KHDRBS3: variants seen among roughly 807,000 people sequenced by gnomAD.
KHDRBS3 encodes KH domain-containing, RNA-binding, signal transduction-associated protein 3.
KHDRBS3 carries 23 observed loss-of-function variants against 45.6 expected under a neutral mutation model. The observed-to-expected ratio is 0.50, with a 90% CI of 0.36 to 0.72. The LOEUF (loss-of-function observed/expected upper bound fraction) is 0.72. Ranked by LOEUF, KHDRBS3 falls within the 30% of genes least tolerant of loss-of-function variation. KHDRBS3 has a pLI of 0.00. For synonymous variants in KHDRBS3, 162 were observed against 156.5 expected (o/e 1.04, Z -0.26); for missense variants, 352 against 424.8 (o/e 0.83, Z 1.51).
At chr8:135,522,520 C>T (rs1824967333) in intron 2 of KHDRBS3, among the ~76,000 whole-genome samples, 1 of 152,156 alleles carries the variant, frequency 6.6e-6, no homozygotes, top group Admixed American at 6.5e-5. Context: ...GTACCATTTC[C>T]ACAAACAATG....
chr8:135,627,952 CTAT>C (rs1210725910), intron 7 of KHDRBS3, among the ~76,000 whole-genome samples: 1 of 152,144 alleles, frequency 6.6e-6, no homozygotes, highest in Non-Finnish European at 1.5e-5. Flanking sequence ...AACTAGACTT[CTAT>C]TCTGATTCCA....
chr8:135,459,751 A>G (rs1159905157), intron 1 of KHDRBS3, among the ~76,000 whole-genome samples: 1 of 152,194 alleles, frequency 6.6e-6, no homozygotes, highest in Non-Finnish European at 1.5e-5. Context: ...TTGCCATAGT[A>G]TTGTGTTGCT....
intron 2 of KHDRBS3, among the ~76,000 whole-genome samples, chr8:135,536,966 C>CAAAAAAAAAAAAAAAA (rs869256475): frequency 1.7e-4 from 2 of 11,776 alleles, no homozygotes; most frequent in African/African-American, 8.4e-4. Context: ...AACTCCATCT[C>CAAAAAAAAAAAAAAAA]AAAAAAAAAA....
intron 2 of KHDRBS3, among the ~76,000 whole-genome samples, chr8:135,536,390 A>C (rs961701584): frequency 6.6e-6 from 1 of 152,036 alleles, no homozygotes; most frequent in Non-Finnish European, 1.5e-5. Flanking sequence ...TTAAAAGCAG[A>C]AATGTGGTGA....
intron 2 of KHDRBS3, among the ~76,000 whole-genome samples, chr8:135,526,133 T>C (rs1263210745): frequency 2.6e-5 from 4 of 152,076 alleles, no homozygotes; most frequent in Admixed American, 2.6e-4. Context: ...GGATATGCCA[T>C]CTAGGTTTGT....
intron 7 of KHDRBS3, among the ~76,000 whole-genome samples, chr8:135,640,046 C>G (rs1464354264): frequency 6.6e-6 from 1 of 151,980 alleles, no homozygotes; most frequent in Non-Finnish European, 1.5e-5. Flanking sequence ...TTTCATTGAG[C>G]AAGAAACTTT....
intron 2 of KHDRBS3, among the ~76,000 whole-genome samples, chr8:135,536,987 AAAAAAAAAAAGG>A (rs1327096221): frequency 0.11 from 6,070 of 55,340 alleles, 810 homozygotes; most frequent in African/African-American, 0.2. Flanking sequence ...AAAAAAAAAA[AAAAAAAAAAAGG>A]AGATGTTTAG....
In KHDRBS3 at chr8:135,532,669, GA is replaced by G. The variant is rs1183279746; in HGVS notation, c.208-9977del. On this transcript the variant is annotated intron_variant, in intron 2 of 8. Transcript: ENST00000355849. ...AGACATTATTATTTCCTGTTGACGT[GA>G]AAAAAAATGGAAGAACAGAGAAGTT... Among the ~76,000 whole-genome samples, 10 of 151,784 alleles carry G rather than the reference GA, an allele frequency of 6.6e-5. No homozygotes were observed. In the South Asian group the frequency reaches 8.3e-4, roughly 13 times the overall value.
chr8:135,543,728 A>C (rs1361830637), intron 3 of KHDRBS3, among the ~76,000 whole-genome samples: 1 of 152,170 alleles, frequency 6.6e-6, no homozygotes, highest in Non-Finnish European at 1.5e-5. Context: ...GATTCAGAGA[A>C]CTTGAGTATA....
intron 5 of KHDRBS3, among the ~76,000 whole-genome samples, chr8:135,566,352 A>G (rs935034656): frequency 1.3e-5 from 2 of 152,202 alleles, no homozygotes; most frequent in African/African-American, 2.4e-5. Context: ...AGTTCTTCAC[A>G]TTAGAGGAGG....
intron 4 of KHDRBS3, among the ~76,000 whole-genome samples, chr8:135,553,387 TA>T (rs1340462620): frequency 6.6e-6 from 1 of 152,144 alleles, no homozygotes; most frequent in Non-Finnish European, 1.5e-5. Context: ...CCCTTAGCTG[TA>T]CCAGAAGTCG....
At chr8:135,514,800 C>G (rs1824487198) in intron 1 of KHDRBS3, among the ~76,000 whole-genome samples, 1 of 152,112 alleles carries the variant, frequency 6.6e-6, no homozygotes, top group Non-Finnish European at 1.5e-5. Context: ...TTGCAAACTT[C>G]TTAACCATTT....
chr8:135,495,793 AGAAGAGTGGT>A (rs1823407954), intron 1 of KHDRBS3, among the ~76,000 whole-genome samples: 1 of 152,116 alleles, frequency 6.6e-6, no homozygotes, highest in Admixed American at 6.6e-5. Context: ...AATTGGAGTG[AGAAGAGTGGT>A]GAAGAGTGGA....
chr8:135,479,099 T>C (rs1266003462), intron 1 of KHDRBS3, among the ~76,000 whole-genome samples: 1 of 152,234 alleles, frequency 6.6e-6, no homozygotes, highest in South Asian at 2.1e-4. Context: ...GTTCTGTAGA[T>C]GTCTGTTAAG....
chr8:135,632,969 A>G (rs368200155), intron 7 of KHDRBS3, among the ~76,000 whole-genome samples: 13 of 152,314 alleles, frequency 8.5e-5, no homozygotes, highest in Middle Eastern at 3.4e-3. Context: ...CTCAGCTCAG[A>G]TGATACCTTA....
intron 7 of KHDRBS3, among the ~76,000 whole-genome samples, chr8:135,630,271 T>A (rs1443086392): frequency 6.6e-6 from 1 of 152,196 alleles, no homozygotes; most frequent in Non-Finnish European, 1.5e-5. Context: ...ATCTGGGTAG[T>A]CTAATATTGC....
intron 1 of KHDRBS3, among the ~76,000 whole-genome samples, chr8:135,466,908 T>A (rs1821723939): frequency 6.6e-6 from 1 of 152,246 alleles, no homozygotes; most frequent in Non-Finnish European, 1.5e-5. Flanking sequence ...TCACTGAGCC[T>A]CTATTCCCTC....
At chr8:135,627,601 T>C (rs182259127) in intron 7 of KHDRBS3, among the ~76,000 whole-genome samples, 66 of 152,364 alleles carry the variant, frequency 4.3e-4, no homozygotes, top group African/African-American at 1.5e-3. Context: ...TTTAGATTTT[T>C]TTCCTTTTAC....
intron 1 of KHDRBS3, among the ~76,000 whole-genome samples, chr8:135,510,535 A>G (rs2130576342): frequency 6.6e-6 from 1 of 152,206 alleles, no homozygotes; most frequent in Non-Finnish European, 1.5e-5. Context: ...CCTGCGTTCA[A>G]GTGATTCTCC....
Sources: gnomAD v4.1 joint callset for allele counts (sites outside exome capture counted in the v4.1 genomes callset) on GRCh38, gnomAD v4.1.1 for gene constraint, MANE v1.5 for transcripts, NCBI Gene and HGNC (gene_info 2026-07-23, HGNC 2026-07-21) for gene names.